KCNJ16: variants seen among roughly 807,000 people sequenced by gnomAD.
The protein encoded by KCNJ16 is potassium inwardly rectifying channel subfamily J member 16.
In KCNJ16, 15 loss-of-function variants were observed where a neutral mutation model predicts 18.5. That is an observed-to-expected ratio of 0.81 (90% CI 0.54 to 1.25). KCNJ16 has a LOEUF of 1.25. KCNJ16 is among the 50% of genes most tolerant of loss of function. The pLI, the probability that KCNJ16 is intolerant of heterozygous loss-of-function variation, is 0.00. For missense variants in KCNJ16, 523 were observed against 525.7 expected (o/e 0.99, Z 0.05); for synonymous variants, 174 against 186.5 (o/e 0.93, Z 0.55).
intron 2 of KCNJ16, among the ~76,000 whole-genome samples, chr17:70,121,837 C>G (rs963334428): frequency 6.6e-6 from 1 of 152,070 alleles, no homozygotes; most frequent in African/African-American, 2.4e-5. Flanking sequence ...GTGGCACATG[C>G]CTGTTGTCCC....
At chr17:70,106,411 C>G (rs897003356) in intron 2 of KCNJ16, among the ~76,000 whole-genome samples, 1 of 152,064 alleles carries the variant, frequency 6.6e-6, no homozygotes, top group Non-Finnish European at 1.5e-5. Flanking sequence ...ACCTGACACA[C>G]AAGGAGCACA....
chr17:70,122,517 T>A (rs1052485053), intron 2 of KCNJ16, among the ~76,000 whole-genome samples: 2 of 152,214 alleles, frequency 1.3e-5, no homozygotes, highest in African/African-American at 2.4e-5. Context: ...AAATTTTCAC[T>A]GATTTTTGTT....
chr17:70,130,855 T>G, intron 2 of KCNJ16, 24 bp from the exon 3 acceptor site: 1 of 1,028,462 alleles, frequency 9.7e-7, no homozygotes, highest in Non-Finnish European at 1.5e-6. Flanking sequence ...CTACAATACT[T>G]TTATTTTTGT....
intron 1 of KCNJ16, among the ~76,000 whole-genome samples, chr17:70,095,870 C>CTCTTTTTTTTTTTTTTTTTTTTTTT (rs1567784556): frequency 1.0e-5 from 1 of 95,390 alleles, no homozygotes; most frequent in African/African-American, 4.1e-5. Flanking sequence ...TTACTTAATC[C>CTCTTTTTTTTTTTTTTTTTTTTTTT]TTTTTTTTTT....
In KCNJ16 at chr17:70,123,321, T is replaced by C. The variant is rs190477153; in HGVS notation, c.-190-7558T>C. 5.7e-3 allele frequency among the ~76,000 whole-genome samples: 865 copies of C among 152,322 alleles called. 5 individuals are homozygous for C. Among genetic ancestry groups the C allele is most frequent in the Non-Finnish European group, 7.6e-3 (520 of 68,024 alleles). On this transcript the variant is annotated intron_variant, in intron 2 of 3. Coordinates refer to ENST00000392671, the MANE Select transcript of KCNJ16 (RefSeq NM_170741.4). ...CAAATATAAGAAGATAGAATCTGAT[T>C]TGAGCAGAAACGAGAGGCAAGAAAC...
chr17:70,111,634 C>A (rs2073188202), intron 2 of KCNJ16, among the ~76,000 whole-genome samples: 1 of 152,076 alleles, frequency 6.6e-6, no homozygotes, highest in Non-Finnish European at 1.5e-5. Context: ...GCTGTGTCCC[C>A]ACCCAAATCT....
At chr17:70,089,822 G>T (rs918904611) in intron 1 of KCNJ16, among the ~76,000 whole-genome samples, 3 of 152,188 alleles carry the variant, frequency 2.0e-5, no homozygotes, top group African/African-American at 7.2e-5. Context: ...GACTAACTCT[G>T]TTTAGAATCT....
intron 2 of KCNJ16, among the ~76,000 whole-genome samples, chr17:70,116,104 GA>G (rs1350512361): frequency 6.6e-5 from 10 of 152,052 alleles, no homozygotes; most frequent in Non-Finnish European, 1.2e-4. Flanking sequence ...AGAAAAAAGG[GA>G]AAACTAATCA....
rs569423618 is a variant in KCNJ16, at chr17:70,095,589, C to A, written c.-299-5069C>A. On this transcript the variant is annotated intron_variant, in intron 1 of 3. Coordinates refer to ENST00000392671, the MANE Select transcript of KCNJ16 (RefSeq NM_170741.4). ...TGCCTGCCTGTGAGTCTCTGGCAAACAAAAGTGATCGTGCCTGTCTTCCTT... is the reference window on the plus strand; with the variant it reads ...TGCCTGCCTGTGAGTCTCTGGCAAAAAAAAGTGATCGTGCCTGTCTTCCTT... 3.3e-5 allele frequency among the ~76,000 whole-genome samples: 5 copies of A among 152,278 alleles called. No individual in the cohort carries two copies. The South Asian group carries it at 1.0e-3, about 32-fold the overall frequency.
intron 2 of KCNJ16, among the ~76,000 whole-genome samples, chr17:70,122,237 A>G (rs560090194): frequency 6.6e-6 from 1 of 151,582 alleles, no homozygotes; most frequent in South Asian, 2.1e-4. Context: ...CAGTAGCACT[A>G]TCTCGGCTCA....
At position 70,131,365 on chromosome 17, in the gene KCNJ16, G is replaced by C. The variant is rs191547376; in HGVS notation, c.-94+390G>C. ...CTTTTCTTTCAAGACTAAAGGTGGA[G>C]TTAGGGGGAAATGAGTTTAATGTGA... On this transcript the variant is annotated intron_variant, in intron 3 of 3. Coordinates refer to ENST00000392671, the MANE Select transcript of KCNJ16 (RefSeq NM_170741.4). 4.8e-6 allele frequency: 5 copies of C among 1,046,898 alleles called. No homozygotes were observed. In the East Asian group the frequency reaches 2.4e-4, roughly 50 times the overall value. The allele number at this position is 1,046,898 out of a possible 1,614,324, so 64.9% of individuals were successfully genotyped here.
At position 70,118,569 on chromosome 17, in the gene KCNJ16, G is replaced by C. The variant is rs147032619; in HGVS notation, c.-190-12310G>C. ...TACAAAATGGTGGAAAGTGAAGGGG[G>C]AGCAGGCACATCACATGGTGAAAGC... On this transcript the variant is annotated intron_variant, in intron 2 of 3. Transcript: ENST00000392671. Among the ~76,000 whole-genome samples, 208 of 152,178 alleles carry C rather than the reference G, an allele frequency of 1.4e-3. 2 individuals are homozygous for C. In the East Asian group the frequency reaches 0.037, roughly 27 times the overall value.
intron 2 of KCNJ16, among the ~76,000 whole-genome samples, chr17:70,123,571 TGCTA>T (rs1218212366): frequency 5.3e-5 from 8 of 152,188 alleles, no homozygotes; most frequent in Non-Finnish European, 4.4e-5. Context: ...GCTTCCCAGG[TGCTA>T]GCTATTATGC....
intron 2 of KCNJ16, among the ~76,000 whole-genome samples, chr17:70,115,086 T>C (rs8077783): frequency 0.086 from 13,068 of 152,200 alleles, 1,884 homozygotes; most frequent in African/African-American, 0.3. Context: ...TACTTAAACT[T>C]AAATCCTTAT....
At chr17:70,120,446 GC>G (rs2073588305) in intron 2 of KCNJ16, among the ~76,000 whole-genome samples, 1 of 152,134 alleles carries the variant, frequency 6.6e-6, no homozygotes, top group African/African-American at 2.4e-5. Context: ...TTTTTGCATT[GC>G]TATAAATACC....
At chr17:70,078,404 T>C (rs1322984996) in intron 1 of KCNJ16, among the ~76,000 whole-genome samples, 1 of 152,222 alleles carries the variant, frequency 6.6e-6, no homozygotes, top group Admixed American at 6.5e-5. Flanking sequence ...ATCACCTCCA[T>C]TCCTAATTTT....
intron 1 of KCNJ16, among the ~76,000 whole-genome samples, chr17:70,086,843 A>G (rs2071819902): frequency 6.6e-6 from 1 of 152,220 alleles, no homozygotes; most frequent in Admixed American, 6.5e-5. Flanking sequence ...ATAACAAACA[A>G]CATTTGTGGT....
At chr17:70,111,438 C>T (rs755742522) in intron 2 of KCNJ16, among the ~76,000 whole-genome samples, 2 of 152,186 alleles carry the variant, frequency 1.3e-5, no homozygotes, top group East Asian at 1.9e-4. Context: ...AGATTGTCTG[C>T]GGGCTGGACC....
At chr17:70,118,404 A>T (rs941169481) in intron 2 of KCNJ16, among the ~76,000 whole-genome samples, 1 of 152,194 alleles carries the variant, frequency 6.6e-6, no homozygotes, top group Non-Finnish European at 1.5e-5. Flanking sequence ...AACTTAATGT[A>T]TCATTTAAAA....
Sources: gnomAD v4.1 joint callset for allele counts (sites outside exome capture counted in the v4.1 genomes callset) on GRCh38, gnomAD v4.1.1 for gene constraint, MANE v1.5 for transcripts, NCBI Gene and HGNC (gene_info 2026-07-23, HGNC 2026-07-21) for gene names.